Variants in CACNA1C observed in about 807,000 individuals in gnomAD.
CACNA1C encodes voltage-dependent L-type calcium channel subunit alpha-1C.
A neutral mutation model predicts 229.0 loss-of-function variants in CACNA1C; 30 were observed. The observed-to-expected ratio is 0.13, with a 90% CI of 0.10 to 0.18. CACNA1C has a LOEUF of 0.18. Among genes scored for constraint, CACNA1C ranks in the 10% least tolerant of loss-of-function variants. The probability of loss-of-function intolerance (pLI) is 1.00; values close to 1 mark genes in which losing one functional copy is unlikely to be tolerated. For synonymous variants in CACNA1C, 1,114 were observed against 1,132.5 expected (o/e 0.98, Z 0.33); for missense variants, 1,658 against 2,845.0 (o/e 0.58, Z 9.49).
chr12:2,143,061 C>T (rs745381520), intron 3 of CACNA1C, among the ~76,000 whole-genome samples: 24 of 150,758 alleles, frequency 1.6e-4, no homozygotes, highest in Non-Finnish European at 3.1e-4. Flanking sequence ...CTGCTACCTC[C>T]GCCTCCCAGG....
intron 3 of CACNA1C, among the ~76,000 whole-genome samples, chr12:2,140,526 C>G (rs1558144): frequency 5.3e-5 from 8 of 151,440 alleles, no homozygotes; most frequent in African/African-American, 1.9e-4. Context: ...TCCCAGACCT[C>G]TCTCTGCTCC....
At chr12:2,194,720 G>A (rs995159915) in intron 3 of CACNA1C, among the ~76,000 whole-genome samples, 7 of 152,028 alleles carry the variant, frequency 4.6e-5, no homozygotes, top group African/African-American at 1.2e-4. Flanking sequence ...CCAGCAGCTC[G>A]ATCCATCTTC....
chr12:2,581,274 A>G (rs2153223310), intron 13 of CACNA1C, among the ~76,000 whole-genome samples: 1 of 152,254 alleles, frequency 6.6e-6, no homozygotes, highest in East Asian at 1.9e-4. Flanking sequence ...CATTTTTTTG[A>G]TGGGGATGCA....
chr12:2,289,750 G>A (rs1364186144), intron 3 of CACNA1C, among the ~76,000 whole-genome samples: 6 of 152,070 alleles, frequency 3.9e-5, no homozygotes, highest in Non-Finnish European at 8.8e-5. Flanking sequence ...GGTACACACC[G>A]GGGACACCTA....
chr12:2,618,669 GGA>G (rs1431110663), intron 29 of CACNA1C, among the ~76,000 whole-genome samples: 1 of 152,240 alleles, frequency 6.6e-6, no homozygotes, highest in African/African-American at 2.4e-5. Flanking sequence ...CCCGGAGGCA[GGA>G]GAGACTCCGA....
At chr12:2,200,843 T>C (rs972805227) in intron 3 of CACNA1C, among the ~76,000 whole-genome samples, 1 of 150,750 alleles carries the variant, frequency 6.6e-6, no homozygotes, top group East Asian at 1.9e-4. Context: ...CCAGGAGGAG[T>C]CAGACAGCAA....
chr12:2,274,065 C>T (rs377421499), intron 3 of CACNA1C, among the ~76,000 whole-genome samples: 3 of 152,306 alleles, frequency 2.0e-5, no homozygotes, highest in East Asian at 3.9e-4. Flanking sequence ...GGCCCTGGGT[C>T]GAAGGAGTGG....
Position 2,653,479 on chromosome 12 carries a change from A to C in CACNA1C, c.4075-356A>C, listed in dbSNP as rs960329737. Among the ~76,000 whole-genome samples, 2 of 152,238 alleles carry C rather than the reference A, an allele frequency of 1.3e-5. No individual in the cohort carries two copies. Among genetic ancestry groups the C allele is most frequent in the Admixed American group, 6.5e-5 (1 of 15,286 alleles). On this transcript the variant is annotated intron_variant, in intron 32 of 46. Coordinates refer to ENST00000399655, the MANE Select transcript of CACNA1C (RefSeq NM_000719.7). The surrounding 1 kb of genome is among the most constrained non-coding windows in gnomAD (Gnocchi z 4.7). ...GCCACCACCCCACTCCTCCACAGGT[A>C]ACCACAGTCAGCGGGGTGCTGTCCT...
intron 3 of CACNA1C, among the ~76,000 whole-genome samples, chr12:2,418,631 G>T (rs1035982762): frequency 6.6e-6 from 1 of 152,174 alleles, no homozygotes; most frequent in African/African-American, 2.4e-5. Context: ...GCATCATCCC[G>T]GGAAGGGCCC....
In CACNA1C at chr12:2,633,102, G is replaced by A. The variant is rs764227439; in HGVS notation, c.3829-1195G>A. 2.6e-5 allele frequency among the ~76,000 whole-genome samples: 4 copies of A among 152,044 alleles called. No individual in the cohort carries two copies. The highest frequency in any genetic ancestry group is 4.4e-5 in the Non-Finnish European group (3 of 68,000). ...GAGCCCAGATAACCTGCCACCCTGC[G>A]GCCCACATTGATGGCTGTGGTTTTC... On this transcript the variant is annotated intron_variant, in intron 29 of 46. Transcript: ENST00000399655. This position sits in a 1 kb window ranked among gnomAD's most constrained non-coding sequence, Gnocchi z 5.8.
At chr12:2,047,637 T>C (rs1053386578) in intron 1 of CACNA1C, among the ~76,000 whole-genome samples, 3 of 152,276 alleles carry the variant, frequency 2.0e-5, no homozygotes, top group African/African-American at 7.2e-5. Context: ...AGGCACTATT[T>C]ACCCATAAAA....
intron 3 of CACNA1C, chr12:2,221,584 C>T (rs1439309094): frequency 6.6e-6 from 1 of 152,180 alleles, no homozygotes; most frequent in East Asian, 1.9e-4. Flanking sequence ...TTTTTAGATA[C>T]AGCTGATGGC....
intron 3 of CACNA1C, among the ~76,000 whole-genome samples, chr12:2,372,130 G>A (rs2097885819): frequency 6.6e-6 from 1 of 152,160 alleles, no homozygotes; most frequent in African/African-American, 2.4e-5. Flanking sequence ...AGAACAGATA[G>A]TATATGATGT....
At chr12:2,031,691 C>T (rs36004131) in intron 1 of CACNA1C, among the ~76,000 whole-genome samples, 23,975 of 152,082 alleles carry the variant, frequency 0.16, 2,017 homozygotes, top group Non-Finnish European at 0.18. Flanking sequence ...TTCTGATGCC[C>T]AGGCTGTATC....
chr12:2,033,569 A>T (rs1478993427), intron 1 of CACNA1C, among the ~76,000 whole-genome samples: 2 of 152,126 alleles, frequency 1.3e-5, no homozygotes, highest in Non-Finnish European at 2.9e-5. Context: ...AGAGCTTTGG[A>T]CATGATTCAC....
chr12:2,125,281 G>A (rs1257994888), intron 3 of CACNA1C, among the ~76,000 whole-genome samples: 1 of 151,306 alleles, frequency 6.6e-6, no homozygotes, highest in East Asian at 1.9e-4. Flanking sequence ...TGGCCTGACT[G>A]AGAAGAGCTG....
chr12:2,423,753 A>G (rs2099001321), intron 3 of CACNA1C, among the ~76,000 whole-genome samples: 1 of 152,200 alleles, frequency 6.6e-6, no homozygotes, highest in Admixed American at 6.5e-5. Context: ...TAGGATTTAT[A>G]TCCACAGGTC....
intron 3 of CACNA1C, among the ~76,000 whole-genome samples, chr12:2,448,341 C>T (rs765701680): frequency 6.6e-5 from 10 of 152,168 alleles, no homozygotes; most frequent in East Asian, 3.9e-4. Flanking sequence ...CTGAAATGTT[C>T]GACGTCTTTG....
rs11831153 is a variant in CACNA1C at position 2,408,384 on chromosome 12, G to T, written c.478-40592G>T. 8.1e-3 allele frequency among the ~76,000 whole-genome samples: 1,238 copies of T among 152,238 alleles called. 27 individuals carry two copies. Among genetic ancestry groups the T allele is most frequent in the African/African-American group, 0.028 (1,161 of 41,556 alleles). On this transcript the variant is annotated intron_variant, in intron 3 of 46. Coordinates refer to ENST00000399655, the MANE Select transcript of CACNA1C (RefSeq NM_000719.7). ...AATGCTACACTTAAAAATGGCTAACGCAGTAAATTTTATGTTATGTATATT... is the reference window on the plus strand; with the variant it reads ...AATGCTACACTTAAAAATGGCTAACTCAGTAAATTTTATGTTATGTATATT...
Sources: gnomAD v4.1 joint callset for allele counts (sites outside exome capture counted in the v4.1 genomes callset) on GRCh38, gnomAD v4.1.1 for gene constraint, Gnocchi (gnomAD v3.1) non-coding constraint, MANE v1.5 for transcripts, NCBI Gene and HGNC (gene_info 2026-07-23, HGNC 2026-07-21) for gene names.